Variants in TNFSF13 observed in about 807,000 individuals in gnomAD.
TNFSF13 encodes the protein tumor necrosis factor ligand superfamily member 13.
In TNFSF13, 18 loss-of-function variants were observed where a neutral mutation model predicts 30.7. The ratio of observed to expected loss-of-function variants is 0.59; its 90% CI spans 0.41 to 0.87. TNFSF13 has a LOEUF of 0.87. Among genes scored for constraint, TNFSF13 ranks in the 40% least tolerant of loss-of-function variants. TNFSF13 has a pLI of 0.00. For synonymous variants in TNFSF13, 116 were observed against 123.2 expected (o/e 0.94, Z 0.39); for missense variants, 286 against 308.8 (o/e 0.93, Z 0.55).
chr17:7,559,443 T>G lies in TNFSF13; in HGVS notation c.258+146T>G. On this transcript the variant is annotated intron_variant, in intron 1 of 5. Coordinates refer to ENST00000338784, the MANE Select transcript of TNFSF13 (RefSeq NM_003808.4). This position sits in a 1 kb window ranked among gnomAD's most constrained non-coding sequence, Gnocchi z 5.4. ...GCGGCCATTCCAGGAAAGGAAACTG[T>G]TAAAGGTTAATGCTTCTCATACCTA... The G allele has an allele frequency of 7.1e-7, 1 of 1,404,924 alleles. No individual in the cohort carries two copies. The highest frequency in any genetic ancestry group is 1.5e-5 in the South Asian group (1 of 68,076). 87.0% of individuals were successfully genotyped at this position (1,404,924 alleles called of 1,614,324 possible). A position where few individuals can be genotyped will look rare whatever the true frequency, so the allele number is the denominator to read the frequency against.
At chr17:7,560,286 C>G in intron 4 of TNFSF13, 64 bp from the exon 5 acceptor site, 1 of 1,612,822 alleles carries the variant, frequency 6.2e-7, no homozygotes, top group Non-Finnish European at 8.5e-7. Context: ...CGTTAGCGCT[C>G]CTGAGGCCTC....
Position 7,561,156 on chromosome 17 carries a change from C to G in TNFSF13, c.*323C>G. The G allele has an allele frequency of 7.7e-7, 1 of 1,300,336 alleles. No individual in the cohort carries two copies. The highest frequency in any genetic ancestry group is 1.1e-6 in the Non-Finnish European group (1 of 936,636). 80.5% of individuals were successfully genotyped at this position (1,300,336 alleles called of 1,614,324 possible). A position where few individuals can be genotyped will look rare whatever the true frequency, so the allele number is the denominator to read the frequency against. ...ACAGCACCACCATCTAGCGGCCGCT[C>G]GAGGGAAGCACCCGCCGGTTGGCCG... On this transcript the variant is annotated 3_prime_UTR_variant, in exon 6 of 6. Coordinates refer to ENST00000338784, the MANE Select transcript of TNFSF13 (RefSeq NM_003808.4). This position sits in a 1 kb window ranked among gnomAD's most constrained non-coding sequence, Gnocchi z 4.4.
At position 7,559,833 on chromosome 17, in the gene TNFSF13, C is replaced by T. The variant is rs368565921; in HGVS notation, c.338-13C>T. The T allele has an allele frequency of 8.0e-5, 129 of 1,613,950 alleles. No homozygotes were observed. Among genetic ancestry groups the T allele is most frequent in the Non-Finnish European group, 1.1e-4 (124 of 1,180,004 alleles). On this transcript the variant is annotated splice_polypyrimidine_tract_variant and intron_variant, in intron 2 of 5. Coordinates refer to ENST00000338784, the MANE Select transcript of TNFSF13 (RefSeq NM_003808.4). This position sits in a 1 kb window ranked among gnomAD's most constrained non-coding sequence, Gnocchi z 5.4. ...AAGTGGATGCGGCTGAGATTCCCTC[C>T]TTCTCTCCTCAGAGCAGCACTCTGT...
chr17:7,558,437 C>G (rs1428070376), upstream of TNFSF13: 2 of 152,414 alleles, frequency 1.3e-5, no homozygotes, highest in African/African-American at 4.8e-5. This position sits in a 1 kb window ranked among gnomAD's most constrained non-coding sequence, Gnocchi z 4.3. Context: ...GGGAGTAGTG[C>G]AGGCCTTATT....
rs115708803 is a variant in TNFSF13, at chr17:7,559,540, C to T, written c.259-84C>T. 1.8e-3 allele frequency: 2,701 copies of T among 1,534,448 alleles called. 59 individuals carry two copies. The African/African-American group carries it at 0.031, about 17-fold the overall frequency. The stretch of plus-strand genomic sequence containing the variant: ...AAGGTGCGTGAGAGATCTGAGGCAT[C>T]TCGGGGGCAGGGGAGGGCTGGGAAG... On this transcript the variant is annotated intron_variant, in intron 1 of 5. Coordinates refer to ENST00000338784, the MANE Select transcript of TNFSF13 (RefSeq NM_003808.4). The surrounding 1 kb of genome is among the most constrained non-coding windows in gnomAD (Gnocchi z 5.4).
Position 7,560,153 on chromosome 17 carries a change from C to T in TNFSF13, c.490C>T (p.Leu164=). The T allele has an allele frequency of 6.2e-7, 1 of 1,614,150 alleles. No homozygotes were observed. The highest frequency in any genetic ancestry group is 8.5e-7 in the Non-Finnish European group (1 of 1,180,028). The change falls in exon 4 of 6, where the codon CTG becomes TTG. Residue 164 remains leucine (L), a synonymous_variant. Transcript: ENST00000338784. ...CCGAATCCAGGATGCTGGAGTTTAT[C>T]TGCTGTATAGCCAGGTAACCCCAGC... ...GVRIQDAGVY[L]LYSQVLFQDV...
rs1438045406 is a variant in TNFSF13 at position 7,560,449 on chromosome 17, T to C, written c.604T>C (p.Ser202Pro). The C allele has an allele frequency of 5.0e-6, 8 of 1,614,000 alleles. No homozygotes were observed. Among genetic ancestry groups the C allele is most frequent in the Non-Finnish European group, 6.8e-6 (8 of 1,180,024 alleles). ...ATTCCGATGTATAAGAAGTATGCCC[T>C]CCCACCCGGACCGGGCCTACAACAG... ...TLFRCIRSMP[S>P]HPDRAYNSCY... Residue 202 changes from serine to proline, a missense_variant, in exon 5 of 6, where the codon TCC becomes CCC. Coordinates refer to ENST00000338784, the MANE Select transcript of TNFSF13 (RefSeq NM_003808.4).
chr17:7,559,616 A>T lies in TNFSF13; in HGVS notation c.259-8A>T, dbSNP rs754123464. 6 of 1,612,978 alleles carry T rather than the reference A, an allele frequency of 3.7e-6. No homozygotes were observed. In the African/African-American group the frequency reaches 6.7e-5, roughly 18 times the overall value. ...TTAACCTAACCTTGACCCTCTTTCC[A>T]TGAGCAGAGTTCCGATGCCCTGGAA... On this transcript the variant is annotated splice_region_variant and splice_polypyrimidine_tract_variant and intron_variant, in intron 1 of 5. Transcript: ENST00000338784. This position sits in a 1 kb window ranked among gnomAD's most constrained non-coding sequence, Gnocchi z 5.4.
In TNFSF13 at chr17:7,561,017, T is replaced by A. The variant is rs1224369267; in HGVS notation, c.*184T>A. Reference sequence around the variant, plus strand: ...CCCCTAGACTTTGATTTTACGGATATCTTGCTTCTGTTCCCCATGGAGCTC... The same window carrying A: ...CCCCTAGACTTTGATTTTACGGATAACTTGCTTCTGTTCCCCATGGAGCTC... On this transcript the variant is annotated 3_prime_UTR_variant, in exon 6 of 6. Transcript: ENST00000338784. This position sits in a 1 kb window ranked among gnomAD's most constrained non-coding sequence, Gnocchi z 4.4. 2 of 1,614,166 alleles carry A rather than the reference T, an allele frequency of 1.2e-6. No homozygotes were observed. The highest frequency in any genetic ancestry group is 4.5e-5 in the East Asian group (2 of 44,892).
In TNFSF13 at chr17:7,559,928, G is replaced by A. The variant is rs368238462; in HGVS notation, c.385+35G>A. 3 of 1,613,962 alleles carry A rather than the reference G, an allele frequency of 1.9e-6. No homozygotes were observed. Among genetic ancestry groups the A allele is most frequent in the Non-Finnish European group, 2.5e-6 (3 of 1,179,988 alleles). ...ATTTTAAATAATGGCTTTGGGGAGG[G>A]GCAATAACCAGGAACTCGGGCTGGC... On this transcript the variant is annotated intron_variant, in intron 3 of 5. Coordinates refer to ENST00000338784, the MANE Select transcript of TNFSF13 (RefSeq NM_003808.4). This position sits in a 1 kb window ranked among gnomAD's most constrained non-coding sequence, Gnocchi z 5.4.
chr17:7,560,587 GCGGGTCTGAGGAGTGAAGTGCAGAATGC>G, intron 5 of TNFSF13, 99 bp downstream of exon 5: 1 of 1,608,294 alleles, frequency 6.2e-7, no homozygotes, highest in East Asian at 2.2e-5. Context: ...CTAAACAGAG[GCGGGTCTGAGGAGTGAAGTGCAGAATGC>G]CGGGTCCTTA....
At position 7,561,202 on chromosome 17, in the gene TNFSF13, T is replaced by C. The variant is rs950726688; in HGVS notation, c.*369T>C. Reference sequence around the variant, plus strand: ...GGCCGAAGTCCACGAAGCCGCCCTCTGCTAGGGAAAACCCCTGGTTCTCCA... The same window carrying C: ...GGCCGAAGTCCACGAAGCCGCCCTCCGCTAGGGAAAACCCCTGGTTCTCCA... On this transcript the variant is annotated 3_prime_UTR_variant, in exon 6 of 6. Transcript: ENST00000338784. The surrounding 1 kb of genome is among the most constrained non-coding windows in gnomAD (Gnocchi z 4.4). The C allele has an allele frequency of 3.8e-6, 3 of 784,506 alleles. No individual in the cohort carries two copies. Among genetic ancestry groups the C allele is most frequent in the Non-Finnish European group, 6.2e-6 (3 of 483,208 alleles). The allele number at this position is 784,506 out of a possible 1,614,324, so 48.6% of individuals were successfully genotyped here.
In TNFSF13 at chr17:7,558,971, C is replaced by A; in HGVS notation, c.-69C>A. On this transcript the variant is annotated 5_prime_UTR_variant, in exon 1 of 6. Transcript: ENST00000338784. This position sits in a 1 kb window ranked among gnomAD's most constrained non-coding sequence, Gnocchi z 4.3. ...TCCCTTCTGCACCACTGCCCGTACC[C>A]TTACCCGCCCCGCCACCTCCTTGCT... 1 of 1,478,852 alleles carries A rather than the reference C, an allele frequency of 6.8e-7. No individual in the cohort carries two copies. Among genetic ancestry groups the A allele is most frequent in the South Asian group, 1.4e-5 (1 of 70,508 alleles). The allele number at this position is 1,478,852 out of a possible 1,614,324, so 91.6% of individuals were successfully genotyped here.
rs2071197110 is a variant in TNFSF13, at chr17:7,561,155, T to C, written c.*322T>C. On this transcript the variant is annotated 3_prime_UTR_variant, in exon 6 of 6. Transcript: ENST00000338784. This position sits in a 1 kb window ranked among gnomAD's most constrained non-coding sequence, Gnocchi z 4.4. ...AACAGCACCACCATCTAGCGGCCGC[T>C]CGAGGGAAGCACCCGCCGGTTGGCC... 2 of 1,305,522 alleles carry C rather than the reference T, an allele frequency of 1.5e-6. No individual in the cohort carries two copies. The highest frequency in any genetic ancestry group is 2.3e-5 in the East Asian group (1 of 43,098). 80.9% of individuals were successfully genotyped at this position (1,305,522 alleles called of 1,614,324 possible).
In TNFSF13 at chr17:7,559,904, T is replaced by A. The variant is rs372325273; in HGVS notation, c.385+11T>A. On this transcript the variant is annotated intron_variant, in intron 3 of 5. Coordinates refer to ENST00000338784, the MANE Select transcript of TNFSF13 (RefSeq NM_003808.4). This position sits in a 1 kb window ranked among gnomAD's most constrained non-coding sequence, Gnocchi z 5.4. Reference sequence around the variant, plus strand: ...ACGCCACCTCCAAGGGTGAGCACTATTTTAAATAATGGCTTTGGGGAGGGG... The same window carrying A: ...ACGCCACCTCCAAGGGTGAGCACTAATTTAAATAATGGCTTTGGGGAGGGG... The A allele has an allele frequency of 6.2e-7, 1 of 1,614,102 alleles. No homozygotes were observed. Among genetic ancestry groups the A allele is most frequent in the East Asian group, 2.2e-5 (1 of 44,878 alleles).
chr17:7,560,163 G>A lies in TNFSF13; in HGVS notation c.500G>A (p.Ser167Asn), dbSNP rs758298274. The change falls in exon 4 of 6, where the codon AGC (serine) becomes AAC (asparagine). Residue 167 changes from serine to asparagine, a missense_variant. Ser to Asn is a conservative substitution (Grantham distance 46). Coordinates refer to ENST00000338784, the MANE Select transcript of TNFSF13 (RefSeq NM_003808.4). ...IQDAGVYLLY[S>N]QVLFQDVTFT... ...GATGCTGGAGTTTATCTGCTGTATA[G>A]CCAGGTAACCCCAGCCACACTCTGA... is the stretch of plus-strand genomic sequence containing the variant. 2.5e-6 allele frequency: 4 copies of A among 1,614,104 alleles called. No homozygotes were observed. Among genetic ancestry groups the A allele is most frequent in the Non-Finnish European group, 3.4e-6 (4 of 1,180,018 alleles).
At position 7,560,312 on chromosome 17, in the gene TNFSF13, G is replaced by A. The variant is rs182489607; in HGVS notation, c.505-38G>A. ...CTGAGGCCTCCCAGAACTGAGCCAG[G>A]CCATCCTGTTTTCTTCAACATCTCC... is the stretch of plus-strand genomic sequence containing the variant. On this transcript the variant is annotated intron_variant, in intron 4 of 5. Transcript: ENST00000338784. The A allele has an allele frequency of 2.2e-3, 3,500 of 1,612,692 alleles. 4 individuals are homozygous for A. The highest frequency in any genetic ancestry group is 2.6e-3 in the Non-Finnish European group (3,086 of 1,179,728).
chr17:7,559,357 TC>T lies in TNFSF13; in HGVS notation c.258+62del. 3 of 1,504,438 alleles carry T rather than the reference TC, an allele frequency of 2.0e-6. No individual in the cohort carries two copies. In the South Asian group the frequency reaches 4.0e-5, roughly 20 times the overall value. 93.2% of individuals were successfully genotyped at this position (1,504,438 alleles called of 1,614,324 possible). On this transcript the variant is annotated intron_variant, in intron 1 of 5. Transcript: ENST00000338784. This position sits in a 1 kb window ranked among gnomAD's most constrained non-coding sequence, Gnocchi z 5.4. ...GGTTAGCATGGGGGGTCTCTGGGCC[TC>T]CTGGTCTGCAAAGTTTCAAGGGGGT...
Position 7,558,965 on chromosome 17 carries a change from C to G in TNFSF13, c.-75C>G, listed in dbSNP as rs186358612. The G allele has an allele frequency of 6.8e-7, 1 of 1,467,854 alleles. No homozygotes were observed. Among genetic ancestry groups the G allele is most frequent in the Admixed American group, 2.3e-5 (1 of 42,998 alleles). 90.9% of individuals were successfully genotyped at this position (1,467,854 alleles called of 1,614,324 possible). On this transcript the variant is annotated 5_prime_UTR_variant, in exon 1 of 6. Transcript: ENST00000338784. The surrounding 1 kb of genome is among the most constrained non-coding windows in gnomAD (Gnocchi z 4.3). ...CCTTCTTCCCTTCTGCACCACTGCC[C>G]GTACCCTTACCCGCCCCGCCACCTC...
Sources: allele counts gnomAD v4.1 joint callset, GRCh38; gene constraint gnomAD v4.1.1; non-coding constraint Gnocchi (gnomAD v3.1); transcripts MANE v1.5; gene names NCBI Gene and HGNC (gene_info 2026-07-23, HGNC 2026-07-21).